The following PTPRR variants were observed in gnomAD, a reference collection of about 807,000 sequenced individuals.
PTPRR encodes receptor-type tyrosine-protein phosphatase R.
PTPRR carries 38 observed loss-of-function variants against 77.2 expected under a neutral mutation model. The ratio of observed to expected loss-of-function variants is 0.49; its 90% CI spans 0.38 to 0.65. The LOEUF (loss-of-function observed/expected upper bound fraction) is 0.65, where lower values mean the gene tolerates loss of function less well. PTPRR is among the 30% of genes least tolerant of loss of function. The probability of loss-of-function intolerance (pLI) is 0.00; values close to 1 mark genes in which losing one functional copy is unlikely to be tolerated. For missense variants in PTPRR, 744 were observed against 799.2 expected, an observed-to-expected ratio of 0.93 and a Z score of 0.83; for synonymous variants, 299 against 283.1, an observed-to-expected ratio of 1.06 and a Z score of -0.57.
At chr12:70,850,839 T>C (rs979324825) in intron 2 of PTPRR, among the ~76,000 whole-genome samples, 7 of 152,222 alleles carry the variant, frequency 4.6e-5, no homozygotes, top group Admixed American at 1.3e-4. Flanking sequence ...GAAGATGCTG[T>C]CCCTACATTG....
At chr12:70,818,190 C>G (rs1161557738) in intron 2 of PTPRR, among the ~76,000 whole-genome samples, 1 of 141,446 alleles carries the variant, frequency 7.1e-6, no homozygotes, top group South Asian at 2.3e-4. Context: ...GAGCCAAGAT[C>G]ATGCCATTGC....
At chr12:70,682,286 G>A (rs1026543425) in intron 10 of PTPRR, among the ~76,000 whole-genome samples, 3 of 151,380 alleles carry the variant, frequency 2.0e-5, no homozygotes, top group East Asian at 2.0e-4. Flanking sequence ...CTCGTGATCC[G>A]CCCGCCTCGG....
chr12:70,767,211 C>A (rs1273864930), intron 2 of PTPRR, among the ~76,000 whole-genome samples: 1 of 152,054 alleles, frequency 6.6e-6, no homozygotes, highest in African/African-American at 2.4e-5. Context: ...TTAAAAGACA[C>A]AGACTGGCAA....
In PTPRR at chr12:70,766,846, T is replaced by TG. The variant is rs1220331114; in HGVS notation, c.358-2069dup. ...AGAAACTCTACAAGCCAGAAGAGAGTGGGGGCCAATATTCAACATTCTTAA... is the reference window on the plus strand; with the variant it reads ...AGAAACTCTACAAGCCAGAAGAGAGTGGGGGGCCAATATTCAACATTCTTAA... On this transcript the variant is annotated intron_variant, in intron 2 of 13. Coordinates refer to ENST00000283228, the MANE Select transcript of PTPRR (RefSeq NM_002849.4). Among the ~76,000 whole-genome samples, 4 of 151,436 alleles carry TG rather than the reference T, an allele frequency of 2.6e-5. No individual in the cohort carries two copies. In the East Asian group the frequency reaches 5.9e-4, roughly 22 times the overall value.
At chr12:70,878,383 T>G (rs551833141) in intron 2 of PTPRR, among the ~76,000 whole-genome samples, 1 of 151,872 alleles carries the variant, frequency 6.6e-6, no homozygotes, top group Non-Finnish European at 1.5e-5. Flanking sequence ...GAATCTACAA[T>G]GAACTCAAAC....
chr12:70,684,246 T>C lies in PTPRR; in HGVS notation c.1378A>G (p.Lys460Glu). The part of the protein sequence containing the change: ...NYIRGYSGKE[K>E]AFIATQGPMI... ...GGGCCCTGCGTGGCAATGAAGGCTTTCTCCTTGCCACTGTAGCCCTAGATG... is the reference window on the plus strand; with the variant it reads ...GGGCCCTGCGTGGCAATGAAGGCTTCCTCCTTGCCACTGTAGCCCTAGATG... The change falls in exon 10 of 14, where the codon AAA (lysine) becomes GAA (glutamate). Residue 460 changes from lysine to glutamate, a missense_variant. By Grantham distance (56) the Lys-to-Glu change is moderately conservative. Around this residue, in one of 3 missense-constraint regions of PTPRR, gnomAD observed 570 missense variants for 573.2 expected, o/e 0.99. Coordinates refer to ENST00000283228, the MANE Select transcript of PTPRR (RefSeq NM_002849.4). 1 of 1,613,778 alleles carries C rather than the reference T, an allele frequency of 6.2e-7. No homozygotes were observed. Among genetic ancestry groups the C allele is most frequent in the African/African-American group, 1.3e-5 (1 of 75,030 alleles).
chr12:70,685,798 C>A (rs1887846895), intron 8 of PTPRR, among the ~76,000 whole-genome samples: 1 of 152,126 alleles, frequency 6.6e-6, no homozygotes. Flanking sequence ...GATATTATAT[C>A]ATTTAATTTT....
chr12:70,714,757 G>A (rs927684838), intron 6 of PTPRR, among the ~76,000 whole-genome samples: 5 of 152,122 alleles, frequency 3.3e-5, no homozygotes, highest in African/African-American at 7.2e-5. Flanking sequence ...GGCTGAGGCG[G>A]GCAGATTGCA....
chr12:70,719,983 T>G (rs1421630240), intron 6 of PTPRR, among the ~76,000 whole-genome samples: 3 of 152,226 alleles, frequency 2.0e-5, no homozygotes, highest in Admixed American at 6.5e-5. Context: ...CTCTCCTGTC[T>G]GTAAGTGGCG....
chr12:70,712,247 G>C (rs1888851826), intron 6 of PTPRR, among the ~76,000 whole-genome samples: 1 of 152,004 alleles, frequency 6.6e-6, no homozygotes, highest in East Asian at 1.9e-4. Context: ...ATTAAATGAA[G>C]AGAATGCACT....
At chr12:70,813,406 T>C (rs968935814) in intron 2 of PTPRR, among the ~76,000 whole-genome samples, 2 of 149,044 alleles carry the variant, frequency 1.3e-5, no homozygotes, top group East Asian at 1.9e-4. Context: ...TTTTTGACAA[T>C]AGAACTTAAA....
At chr12:70,672,476 C>T (rs1038545489) in intron 10 of PTPRR, 122 of 1,132,334 alleles carry the variant, frequency 1.1e-4, no homozygotes, top group Admixed American at 3.3e-4. Flanking sequence ...GGCTTCACTG[C>T]GGCTCATAAC....
At chr12:70,770,279 C>T (rs1890939749) in intron 2 of PTPRR, among the ~76,000 whole-genome samples, 2 of 151,694 alleles carry the variant, frequency 1.3e-5, no homozygotes, top group Non-Finnish European at 2.9e-5. Flanking sequence ...GGGCTAATAT[C>T]CAGAATCTAC....
intron 8 of PTPRR, among the ~76,000 whole-genome samples, chr12:70,695,323 A>C (rs1316712596): frequency 6.6e-6 from 1 of 152,218 alleles, no homozygotes; most frequent in East Asian, 1.9e-4. Context: ...ACAGTCTAAA[A>C]CCATAAAGAA....
At chr12:70,728,235 A>G (rs561069088) in intron 6 of PTPRR, among the ~76,000 whole-genome samples, 98 of 130,716 alleles carry the variant, frequency 7.5e-4, no homozygotes, top group African/African-American at 2.8e-3. Flanking sequence ...AATATTTGCC[A>G]TACATATATA....
At chr12:70,810,199 C>T (rs187207019) in intron 2 of PTPRR, among the ~76,000 whole-genome samples, 18 of 152,192 alleles carry the variant, frequency 1.2e-4, no homozygotes, top group East Asian at 3.9e-4. Flanking sequence ...AAGTTATTTT[C>T]GGTAGCTCTG....
chr12:70,681,799 A>T (rs956523136), intron 10 of PTPRR, among the ~76,000 whole-genome samples: 2 of 152,110 alleles, frequency 1.3e-5, no homozygotes, highest in Non-Finnish European at 2.9e-5. Context: ...TGCTGAGAGT[A>T]TGTGCATCAG....
chr12:70,716,618 A>T (rs559784069), intron 6 of PTPRR, among the ~76,000 whole-genome samples: 3 of 152,332 alleles, frequency 2.0e-5, no homozygotes, highest in African/African-American at 7.2e-5. Context: ...TGGATATACA[A>T]GACAGTAAGC....
At chr12:70,857,628 T>C (rs955527147) in intron 2 of PTPRR, among the ~76,000 whole-genome samples, 1 of 152,124 alleles carries the variant, frequency 6.6e-6, no homozygotes, top group African/African-American at 2.4e-5. Flanking sequence ...AAATGACCCA[T>C]AAAACTGGCA....
Sources: gnomAD v4.1 joint callset for allele counts (sites outside exome capture counted in the v4.1 genomes callset) on GRCh38, gnomAD v4.1.1 for gene constraint, gnomAD v4.1.1 regional missense constraint, MANE v1.5 for transcripts, NCBI Gene and HGNC (gene_info 2026-07-23, HGNC 2026-07-21) for gene names.